Variants in NCOA7 observed in about 807,000 individuals in gnomAD.
NCOA7 encodes the protein 140 kDa estrogen receptor-associated protein.
Under a neutral mutation model 104.3 loss-of-function variants are expected in NCOA7, and 45 were observed. That is an observed-to-expected ratio of 0.43 (90% CI 0.34 to 0.55). The LOEUF is 0.55. Ranked by LOEUF, NCOA7 falls within the 20% of genes least tolerant of loss-of-function variation. NCOA7 has a pLI of 0.02. For missense variants in NCOA7, 1,041 were observed against 1,119.7 expected (o/e 0.93, Z 1.00); for synonymous variants, 398 against 402.3 (o/e 0.99, Z 0.13).
intron 3 of NCOA7, among the ~76,000 whole-genome samples, chr6:125,861,221 A>C: frequency 6.6e-6 from 1 of 152,224 alleles, no homozygotes; most frequent in East Asian, 1.9e-4. Flanking sequence ...TGGAAGTAAC[A>C]GACTACTAAG....
At chr6:125,798,081 C>G (rs575484381) in intron 1 of NCOA7, 1 of 152,156 alleles carries the variant, frequency 6.6e-6, no homozygotes, top group Admixed American at 6.5e-5. Context: ...GTTTAGCTCA[C>G]GAAGGGTAGG....
chr6:125,920,877 T>G, intron 11 of NCOA7, 66 bp from the exon 12 acceptor site: 1 of 1,581,316 alleles, frequency 6.3e-7, no homozygotes, highest in Non-Finnish European at 8.6e-7. Flanking sequence ...CTAGAGTGAT[T>G]TTTTAAATTA....
At chr6:125,885,546 T>A (rs1261154673) in intron 8 of NCOA7, among the ~76,000 whole-genome samples, 2 of 152,002 alleles carry the variant, frequency 1.3e-5, no homozygotes, top group East Asian at 3.9e-4. Context: ...ATATAAAGAT[T>A]AAAGGAGAAA....
chr6:125,803,195 C>G (rs1776071077), intron 1 of NCOA7, among the ~76,000 whole-genome samples: 1 of 152,128 alleles, frequency 6.6e-6, no homozygotes, highest in Non-Finnish European at 1.5e-5. Context: ...CAGGGATGTC[C>G]CACTTTTAAG....
chr6:125,919,156 C>G (rs1049835649), intron 11 of NCOA7: 4 of 1,336,180 alleles, frequency 3.0e-6, no homozygotes, highest in Non-Finnish European at 4.0e-6. Context: ...AGTGTGTTTG[C>G]TCTAAATCCT....
chr6:125,832,820 C>T (rs1480492921), intron 2 of NCOA7, among the ~76,000 whole-genome samples: 3 of 152,184 alleles, frequency 2.0e-5, no homozygotes, highest in Non-Finnish European at 2.9e-5. Context: ...CAGGAGGAAC[C>T]GCTGGATCTC....
rs1380840647 is a variant in NCOA7, at chr6:125,889,211, C to T, written c.1157C>T (p.Thr386Ile). Residue 386 changes from threonine (T) to isoleucine (I), a missense_variant, in exon 9 of 16, where the codon ACA (threonine) becomes ATA (isoleucine). Thr to Ile is a moderately conservative substitution (Grantham distance 89). Transcript: ENST00000392477. ...AGGGAGACATCCCATGGTTCTCCCA[C>T]AGTGACTAAGCTCAGCAAGGAACCT... Reference protein sequence around the residue: ...SSRETSHGSPTVTKLSKEPSD... With the variant: ...SSRETSHGSPIVTKLSKEPSD... 6.2e-7 allele frequency: 1 copy of T among 1,613,994 alleles called. No individual in the cohort carries two copies. The highest frequency in any genetic ancestry group is 8.5e-7 in the Non-Finnish European group (1 of 1,180,002).
chr6:125,815,824 T>A (rs1170785615), intron 2 of NCOA7, among the ~76,000 whole-genome samples: 1 of 152,212 alleles, frequency 6.6e-6, no homozygotes, highest in African/African-American at 2.4e-5. Context: ...TAAGAAATAT[T>A]TTTGTAGGTA....
At chr6:125,880,529 A>G (rs1783739006) in intron 5 of NCOA7, among the ~76,000 whole-genome samples, 1 of 150,364 alleles carries the variant, frequency 6.7e-6, no homozygotes, top group African/African-American at 2.4e-5. Flanking sequence ...ATTTTATTTT[A>G]TTTTATTTTA....
intron 10 of NCOA7, among the ~76,000 whole-genome samples, chr6:125,900,551 A>C (rs1332079950): frequency 2.0e-5 from 3 of 152,182 alleles, no homozygotes. Flanking sequence ...GAGATGTTCA[A>C]CCTGATGATT....
intron 3 of NCOA7, among the ~76,000 whole-genome samples, chr6:125,869,522 C>G (rs1782710813): frequency 1.3e-5 from 2 of 152,184 alleles, no homozygotes; most frequent in Admixed American, 1.3e-4. Context: ...CAAAGGTGAA[C>G]CAAGGCTATA....
At chr6:125,928,031 T>C in intron 14 of NCOA7, 143 bp from the exon 15 acceptor site, 1 of 797,582 alleles carries the variant, frequency 1.3e-6, no homozygotes. Flanking sequence ...CATCCTGGTG[T>C]GGGCCAGGTC....
intron 1 of NCOA7, among the ~76,000 whole-genome samples, chr6:125,791,521 T>C (rs1465903335): frequency 2.6e-5 from 4 of 152,180 alleles, no homozygotes; most frequent in Non-Finnish European, 4.4e-5. Context: ...TCGCTGTGGA[T>C]TTTTGTGTAT....
At chr6:125,851,182 G>A (rs1238469333) in intron 2 of NCOA7, among the ~76,000 whole-genome samples, 1 of 152,000 alleles carries the variant, frequency 6.6e-6, no homozygotes, top group Non-Finnish European at 1.5e-5. Flanking sequence ...TCATATAGTG[G>A]TGGAGTCTGA....
Position 125,878,346 on chromosome 6 carries a change from C to T in NCOA7, c.435C>T (p.Phe145=). 1 of 1,611,640 alleles carries T rather than the reference C, an allele frequency of 6.2e-7. No individual in the cohort carries two copies. Among genetic ancestry groups the T allele is most frequent in the Non-Finnish European group, 8.5e-7 (1 of 1,178,564 alleles). The change falls in exon 5 of 16, where the codon TTC becomes TTT. Residue 145 remains phenylalanine (F), a synonymous_variant. Coordinates refer to ENST00000392477, the MANE Select transcript of NCOA7 (RefSeq NM_181782.5). The part of the protein sequence containing the change: ...PNKLVELNKL[F]THTIVPGQVL... ...AATTGGTGGAACTGAATAAACTTTT[C>T]ACACATACTATTGTTCCAGGCCAGG...
chr6:125,911,109 T>A (rs750720202), intron 10 of NCOA7, among the ~76,000 whole-genome samples: 6 of 152,220 alleles, frequency 3.9e-5, no homozygotes, highest in Non-Finnish European at 7.3e-5. Context: ...CCCACGGTAT[T>A]TATTGGTAAT....
intron 10 of NCOA7, among the ~76,000 whole-genome samples, chr6:125,906,751 G>A (rs1186539304): frequency 6.6e-6 from 1 of 152,142 alleles, no homozygotes; most frequent in Admixed American, 6.5e-5. Context: ...GAAGGCAGAG[G>A]GATCAGAAGG....
intron 2 of NCOA7, among the ~76,000 whole-genome samples, chr6:125,836,836 T>C (rs937099554): frequency 6.6e-6 from 1 of 152,188 alleles, no homozygotes; most frequent in African/African-American, 2.4e-5. Context: ...AGCAAAACTT[T>C]CTTGGTAAAG....
In NCOA7 at chr6:125,815,553, T is replaced by C. The variant is rs904276593; in HGVS notation, c.50+149T>C. On this transcript the variant is annotated intron_variant, in intron 2 of 15. Transcript: ENST00000392477. ...GAGAAGTAAACTATACTTTGCTTCA[T>C]CCATTTTATTCATATTAGAGGAGTG... 29 of 606,290 alleles carry C rather than the reference T, an allele frequency of 4.8e-5. No individual in the cohort carries two copies. The East Asian group carries it at 8.4e-4, about 18-fold the overall frequency. 37.6% of individuals were successfully genotyped at this position (606,290 alleles called of 1,614,324 possible).
Sources: gnomAD v4.1 joint callset for allele counts (sites outside exome capture counted in the v4.1 genomes callset) on GRCh38, gnomAD v4.1.1 for gene constraint, MANE v1.5 for transcripts, NCBI Gene and HGNC (gene_info 2026-07-23, HGNC 2026-07-21) for gene names.